GML: variants seen among roughly 807,000 people sequenced by gnomAD.
GML encodes the protein glycosyl-phosphatidylinositol-anchored molecule-like protein.
In GML, 5 loss-of-function variants were observed where a neutral mutation model predicts 8.2. The ratio of observed to expected loss-of-function variants is 0.61; its 90% confidence interval spans 0.32 to 1.28. GML has a LOEUF of 1.28. Among genes scored for constraint, GML ranks in the 50% most tolerant of loss-of-function variants. GML has a pLI of 0.06. For synonymous variants in GML, 72 were observed against 69.0 expected (o/e 1.04, Z -0.22); for missense variants, 191 against 198.3 (o/e 0.96, Z 0.22).
rs762352406 is a variant in GML at position 142,846,574 on chromosome 8, G to A, written c.361G>A (p.Asp121Asn). The change falls in exon 4 of 4, where the codon GAC (aspartate) becomes AAC (asparagine). Residue 121 changes from aspartate (D) to asparagine (N), a missense_variant. By Grantham distance (23) the Asp-to-Asn change is conservative. Transcript: ENST00000220940. Reference sequence around the variant, plus strand: ...AGGAGGACCTACTAATCTTGAAAGGGACATGTTACCCGATGAAGTAACTGA... The same window carrying A: ...AGGAGGACCTACTAATCTTGAAAGGAACATGTTACCCGATGAAGTAACTGA... The part of the protein sequence containing the change: ...NAGGPTNLER[D>N]MLPDEVTEEE... The A allele has an allele frequency of 2.6e-5, 42 of 1,613,738 alleles. No homozygotes were observed. In the Middle Eastern group the frequency reaches 6.6e-4, roughly 25 times the overall value.
At position 142,837,299 on chromosome 8, in the gene GML, C is replaced by CAAAAAAAAAA. The variant is rs61251350; in HGVS notation, c.-23+2438_-23+2439insAAAAAAAAAA. Among the ~76,000 whole-genome samples, 47 of 148,400 alleles carry CAAAAAAAAAA rather than the reference C, an allele frequency of 3.2e-4. 3 individuals carry two copies. Among genetic ancestry groups the CAAAAAAAAAA allele is most frequent in the East Asian group, 2.1e-3 (10 of 4,682 alleles). On this transcript the variant is annotated intron_variant, in intron 1 of 3. Coordinates refer to ENST00000220940, the MANE Select transcript of GML (RefSeq NM_002066.3). ...TGCAGGACAGAGCGAGACTCTGTTT[C>CAAAAAAAAAA]AAAAAAAGAAACTATGTCTCTTTTT... is the stretch of plus-strand genomic sequence containing the variant.
intron 3 of GML, 36 bp downstream of exon 3, chr8:142,841,261 T>TTATG (rs1563859028): frequency 9.7e-7 from 1 of 1,035,662 alleles, no homozygotes; most frequent in East Asian, 2.4e-5. Flanking sequence ...ACATTGTAGA[T>TTATG]TAGTCCCCTA....
chr8:142,837,299 C>CAAAAAAA (rs61251350), intron 1 of GML, among the ~76,000 whole-genome samples: 17 of 148,384 alleles, frequency 1.1e-4, no homozygotes, highest in Middle Eastern at 6.9e-3. Flanking sequence ...GACTCTGTTT[C>CAAAAAAA]AAAAAAAGAA....
intron 1 of GML, among the ~76,000 whole-genome samples, chr8:142,836,132 G>A (rs1489217926): frequency 6.6e-6 from 1 of 152,200 alleles, no homozygotes; most frequent in African/African-American, 2.4e-5. Flanking sequence ...TTATCTAGGA[G>A]GAGGTGGTCT....
chr8:142,840,830 G>A (rs143599703), intron 2 of GML, among the ~76,000 whole-genome samples: 1 of 152,278 alleles, frequency 6.6e-6, no homozygotes, highest in African/African-American at 2.4e-5. Flanking sequence ...CTTCCTTGGC[G>A]AGGTGAGCCA....
At chr8:142,835,280 G>GGGGTCCCA (rs1554650029) in intron 1 of GML, among the ~76,000 whole-genome samples, 10 of 24,592 alleles carry the variant, frequency 4.1e-4, no homozygotes, top group South Asian at 3.2e-3. Context: ...CCGCTTCCCT[G>GGGGTCCCA]GGGCCCCCCT....
chr8:142,838,924 A>G (rs4736338), intron 1 of GML, among the ~76,000 whole-genome samples: 92,372 of 151,948 alleles, frequency 0.61, 28,479 homozygotes, highest in East Asian at 0.86. Flanking sequence ...TTTCCCATCC[A>G]CCCCAAGATC....
intron 1 of GML, among the ~76,000 whole-genome samples, chr8:142,836,031 C>G (rs1399282224): frequency 6.6e-6 from 1 of 152,236 alleles, no homozygotes; most frequent in Non-Finnish European, 1.5e-5. Flanking sequence ...TGCATCTCTT[C>G]CGTTTCACGG....
intron 3 of GML, among the ~76,000 whole-genome samples, chr8:142,844,623 G>A (rs1424405455): frequency 1.3e-5 from 2 of 152,134 alleles, no homozygotes; most frequent in African/African-American, 4.8e-5. Context: ...CTGATCAATG[G>A]AAATTTAAAC....
intron 1 of GML, 72 bp from the exon 2 acceptor site, chr8:142,840,344 G>A (rs1208649668): frequency 4.3e-6 from 4 of 939,992 alleles, no homozygotes; most frequent in Non-Finnish European, 7.0e-6. Context: ...TGAGGCCGTT[G>A]AGGCCAGGGG....
intron 1 of GML, among the ~76,000 whole-genome samples, chr8:142,838,382 C>T (rs879220205): frequency 1.3e-5 from 2 of 152,114 alleles, no homozygotes; most frequent in Admixed American, 6.6e-5. Flanking sequence ...ATCTGTGGCA[C>T]ATTTGTATTT....
rs115134888 is a variant in GML at position 142,835,342 on chromosome 8, T to C, written c.-23+474T>C. 8.3e-3 allele frequency among the ~76,000 whole-genome samples: 1,261 copies of C among 152,154 alleles called. 11 individuals are homozygous for C. Among genetic ancestry groups the C allele is most frequent in the African/African-American group, 0.028 (1,168 of 41,510 alleles). On this transcript the variant is annotated intron_variant, in intron 1 of 3. Transcript: ENST00000220940. ...AGTCTGGGGCTGGGGCTCCGTTCAGTTCTTGAGTCCCCTTCCCTCGGGGTG... is the reference window on the plus strand; with the variant it reads ...AGTCTGGGGCTGGGGCTCCGTTCAGCTCTTGAGTCCCCTTCCCTCGGGGTG...
At chr8:142,844,751 C>T (rs569563326) in intron 3 of GML, among the ~76,000 whole-genome samples, 2 of 152,318 alleles carry the variant, frequency 1.3e-5, no homozygotes, top group South Asian at 4.1e-4. Flanking sequence ...AACACAATAA[C>T]ACCACAGGAA....
chr8:142,840,482 G>A lies in GML; in HGVS notation c.45G>A (p.Val15=), dbSNP rs774540638. 1.2e-6 allele frequency: 2 copies of A among 1,613,228 alleles called. No individual in the cohort carries two copies. Among genetic ancestry groups the A allele is most frequent in the Admixed American group, 3.3e-5 (2 of 60,024 alleles). ...ALLLAMELPL[V]AASATMRAQW... The stretch of plus-strand genomic sequence containing the variant: ...TCCTAGCCATGGAGCTCCCATTGGT[G>A]GCAGCCAGTGCCACCATGCGCGCTC... The change falls in exon 2 of 4, where the codon GTG becomes GTA. Residue 15 remains valine, a synonymous_variant. Coordinates refer to ENST00000220940, the MANE Select transcript of GML (RefSeq NM_002066.3).
chr8:142,838,104 G>C (rs1305101900), intron 1 of GML, among the ~76,000 whole-genome samples: 1 of 145,872 alleles, frequency 6.9e-6, no homozygotes, highest in Non-Finnish European at 1.5e-5. Context: ...CGTGGGCCTT[G>C]GTGCTTCCAC....
At chr8:142,835,650 T>G (rs1168450349) in intron 1 of GML, among the ~76,000 whole-genome samples, 1 of 152,246 alleles carries the variant, frequency 6.6e-6, no homozygotes, top group East Asian at 1.9e-4. Context: ...GGTCTATTTC[T>G]TATTTGGAGG....
chr8:142,845,399 C>T (rs930869829), intron 3 of GML, among the ~76,000 whole-genome samples: 43 of 152,134 alleles, frequency 2.8e-4, no homozygotes, highest in Non-Finnish European at 2.8e-4. Flanking sequence ...GAGTTGTGGA[C>T]TTATGGTCAG....
intron 1 of GML, among the ~76,000 whole-genome samples, chr8:142,840,025 G>A (rs1056717917): frequency 6.8e-6 from 1 of 147,050 alleles, no homozygotes; most frequent in Non-Finnish European, 1.5e-5. Context: ...GTCAGTGGGC[G>A]GAGGGAGCGG....
intron 1 of GML, among the ~76,000 whole-genome samples, chr8:142,838,904 T>C (rs919706781): frequency 2.6e-5 from 4 of 152,148 alleles, no homozygotes; most frequent in Non-Finnish European, 5.9e-5. Flanking sequence ...CCATTGTAGC[T>C]CTTGGGTATT....
Sources: gnomAD v4.1 joint callset for allele counts (sites outside exome capture counted in the v4.1 genomes callset) on GRCh38, gnomAD v4.1.1 for gene constraint, MANE v1.5 for transcripts, NCBI Gene and HGNC (gene_info 2026-07-23, HGNC 2026-07-21) for gene names.